WARS2: variants seen among roughly 807,000 people sequenced by gnomAD.
WARS2 encodes the protein tryptophanyl tRNA synthetase 2, mitochondrial.
Under a neutral mutation model 36.5 loss-of-function variants are expected in WARS2, and 28 were observed. That is an observed-to-expected ratio of 0.77 (90% confidence interval 0.57 to 1.05). The LOEUF is 1.05. WARS2 is among the 50% of genes least tolerant of loss of function. WARS2 has a pLI of 0.00. For missense variants in WARS2, 435 were observed against 456.8 expected, an observed-to-expected ratio of 0.95 and a Z score of 0.44; for synonymous variants, 174 against 178.4, an observed-to-expected ratio of 0.98 and a Z score of 0.20.
chr1:119,043,741 G>C (rs1038960897), intron 3 of WARS2, among the ~76,000 whole-genome samples: 1 of 152,164 alleles, frequency 6.6e-6, no homozygotes, highest in African/African-American at 2.4e-5. Flanking sequence ...TCAATTTATA[G>C]CCTTTTCGTA....
chr1:119,040,026 G>A (rs1403342926), intron 4 of WARS2, among the ~76,000 whole-genome samples: 1 of 152,166 alleles, frequency 6.6e-6, no homozygotes, highest in Non-Finnish European at 1.5e-5. Flanking sequence ...ATACCTTCAA[G>A]TGCTTCATCT....
At chr1:119,066,445 T>G (rs1264789752) in intron 2 of WARS2, among the ~76,000 whole-genome samples, 1 of 123,300 alleles carries the variant, frequency 8.1e-6, no homozygotes, top group African/African-American at 3.3e-5. Context: ...GCCATTGCAC[T>G]CCAGCATGGG....
intron 2 of WARS2, among the ~76,000 whole-genome samples, chr1:119,046,768 CTG>C (rs1347155207): frequency 7.2e-6 from 1 of 138,066 alleles, no homozygotes; most frequent in Non-Finnish European, 1.5e-5. Context: ...CCTTCATCAA[CTG>C]TGGCTTTTTT....
At chr1:119,073,326 C>CCCAT (rs1227405744) in intron 2 of WARS2, among the ~76,000 whole-genome samples, 3 of 151,816 alleles carry the variant, frequency 2.0e-5, no homozygotes, top group African/African-American at 4.8e-5. Context: ...GATAAAATAT[C>CCCAT]CCATCCATCC....
intron 3 of WARS2, among the ~76,000 whole-genome samples, chr1:119,043,792 T>C (rs569092615): frequency 3.0e-4 from 45 of 152,324 alleles, no homozygotes; most frequent in Non-Finnish European, 4.6e-4. Flanking sequence ...AGAGGGAAAA[T>C]GTGGAGAGCA....
intron 2 of WARS2, among the ~76,000 whole-genome samples, chr1:119,059,570 T>C (rs1650203866): frequency 6.6e-6 from 1 of 152,228 alleles, no homozygotes; most frequent in South Asian, 2.1e-4. Flanking sequence ...CTCTCAATTA[T>C]TATAGCTGTA....
At chr1:119,091,772 C>T (rs1653064223) in intron 1 of WARS2, among the ~76,000 whole-genome samples, 2 of 152,152 alleles carry the variant, frequency 1.3e-5, no homozygotes, top group Non-Finnish European at 2.9e-5. Context: ...GGAATCACTG[C>T]TGACATGTGC....
chr1:119,045,130 T>C (rs907680331), intron 3 of WARS2, among the ~76,000 whole-genome samples: 1 of 152,218 alleles, frequency 6.6e-6, no homozygotes, highest in African/African-American at 2.4e-5. Context: ...GCCCTAATTA[T>C]TCTGTGAGTT....
At chr1:119,067,002 T>C (rs1183366508) in intron 2 of WARS2, among the ~76,000 whole-genome samples, 1 of 152,192 alleles carries the variant, frequency 6.6e-6, no homozygotes, top group Non-Finnish European at 1.5e-5. Flanking sequence ...AAATATCCTT[T>C]GCCAGGAAAA....
intron 1 of WARS2, among the ~76,000 whole-genome samples, chr1:119,078,563 C>T (rs926897326): frequency 2.0e-5 from 3 of 152,208 alleles, no homozygotes; most frequent in African/African-American, 7.2e-5. Flanking sequence ...TATGGTTTAA[C>T]TCTCTTTGAT....
At chr1:119,111,395 C>A (rs1654625820) in intron 1 of WARS2, among the ~76,000 whole-genome samples, 1 of 152,102 alleles carries the variant, frequency 6.6e-6, no homozygotes, top group South Asian at 2.1e-4. Context: ...TCTCTCTCCC[C>A]CTCTTAGGTG....
At chr1:119,138,220 T>C (rs1656650611) in intron 1 of WARS2, among the ~76,000 whole-genome samples, 1 of 152,198 alleles carries the variant, frequency 6.6e-6, no homozygotes, top group Non-Finnish European at 1.5e-5. Flanking sequence ...CTTTCACATA[T>C]TTCTGCATCT....
chr1:119,125,679 T>C (rs1182155253), intron 1 of WARS2, among the ~76,000 whole-genome samples: 3 of 152,218 alleles, frequency 2.0e-5, no homozygotes, highest in African/African-American at 7.2e-5. Context: ...ACTACATAAA[T>C]GAGAGGAGAG....
rs184089990 is a variant in WARS2, at chr1:119,134,673, T to G, written c.90+5882A>C. Among the ~76,000 whole-genome samples, 229 of 152,290 alleles carry G rather than the reference T, an allele frequency of 1.5e-3. 5 individuals carry two copies. The highest frequency in any genetic ancestry group is 0.01 in the Middle Eastern group (3 of 294). On this transcript the variant is annotated intron_variant, in intron 1 of 5. Transcript: ENST00000235521. ...AACTAAATGCCTGAGCAGAGTTAAA[T>G]TAAGTCAAGCTGGAGTCAGCATATC...
Position 119,092,553 on chromosome 1 carries a change from C to G in WARS2, c.91-15946G>C, listed in dbSNP as rs765405957. Among the ~76,000 whole-genome samples the G allele has an allele frequency of 2.0e-5, 3 of 152,252 alleles. No homozygotes were observed. The South Asian group carries it at 6.2e-4, about 32-fold the overall frequency. On this transcript the variant is annotated intron_variant, in intron 1 of 5. Transcript: ENST00000235521. The stretch of plus-strand genomic sequence containing the variant: ...TCTCCCCGATTCTGCACTGTATTCT[C>G]AATTCTGGCTAATGATACAACCATC...
At chr1:119,096,502 G>T (rs1260844671) in intron 1 of WARS2, among the ~76,000 whole-genome samples, 1 of 151,574 alleles carries the variant, frequency 6.6e-6, no homozygotes, top group African/African-American at 2.4e-5. Flanking sequence ...TTCTACTTTT[G>T]CAAATATGCT....
At chr1:119,139,304 A>G (rs1314736826) in intron 1 of WARS2, among the ~76,000 whole-genome samples, 1 of 152,250 alleles carries the variant, frequency 6.6e-6, no homozygotes, top group East Asian at 1.9e-4. Context: ...TTAGCTTATA[A>G]GAATTTTGTG....
intron 1 of WARS2, among the ~76,000 whole-genome samples, chr1:119,098,760 A>G (rs1327178489): frequency 7.4e-6 from 1 of 134,724 alleles, no homozygotes; most frequent in Non-Finnish European, 1.6e-5. Context: ...TTTTTAAGAC[A>G]GAGTCTCGCT....
At position 119,032,851 on chromosome 1, in the gene WARS2, C is replaced by T. The variant is rs1571245785; in HGVS notation, c.*60G>A. 2 of 1,466,542 alleles carry T rather than the reference C, an allele frequency of 1.4e-6. No homozygotes were observed. Among genetic ancestry groups the T allele is most frequent in the Non-Finnish European group, 9.2e-7 (1 of 1,082,110 alleles). The allele number at this position is 1,466,542 out of a possible 1,614,324, so 90.8% of individuals were successfully genotyped here. A position where few individuals can be genotyped will look rare whatever the true frequency, so the allele number is the denominator to read the frequency against. ...AACTTTTTCTTTTTAGGAAAGCTGC[C>T]GTTATCAGAATGCATGGAGTGCAAG... On this transcript the variant is annotated 3_prime_UTR_variant, in exon 6 of 6. Transcript: ENST00000235521.
Sources: gnomAD v4.1 joint callset for allele counts (sites outside exome capture counted in the v4.1 genomes callset) on GRCh38, gnomAD v4.1.1 for gene constraint, MANE v1.5 for transcripts, NCBI Gene and HGNC (gene_info 2026-07-23, HGNC 2026-07-21) for gene names.